Variants in ZNF521 observed in about 807,000 individuals in gnomAD.
The protein encoded by ZNF521 is zinc finger protein 521.
ZNF521 carries 14 observed loss-of-function variants against 105.5 expected under a neutral mutation model. The ratio of observed to expected loss-of-function variants is 0.13; its 90% CI spans 0.09 to 0.21. The LOEUF (loss-of-function observed/expected upper bound fraction) is 0.21. Ranked by LOEUF, ZNF521 falls within the 10% of genes least tolerant of loss-of-function variation. ZNF521 has a pLI of 1.00. For missense variants in ZNF521, 1,233 were observed against 1,629.7 expected (o/e 0.76, Z 4.19); for synonymous variants, 635 against 606.0 (o/e 1.05, Z -0.70).
chr18:25,133,533 C>T (rs1443518771), intron 5 of ZNF521, among the ~76,000 whole-genome samples: 4 of 152,148 alleles, frequency 2.6e-5, no homozygotes, highest in African/African-American at 9.7e-5. Flanking sequence ...TGATTATAGA[C>T]ATATAAGCCA....
intron 4 of ZNF521, among the ~76,000 whole-genome samples, chr18:25,197,361 C>T (rs947369684): frequency 6.6e-6 from 1 of 151,752 alleles, no homozygotes; most frequent in African/African-American, 2.4e-5. Flanking sequence ...TTTCACATTT[C>T]CCAAATACAA....
At chr18:25,176,161 C>G (rs560109662) in intron 5 of ZNF521, among the ~76,000 whole-genome samples, 17 of 152,232 alleles carry the variant, frequency 1.1e-4, no homozygotes, top group Non-Finnish European at 2.2e-4. Flanking sequence ...CCATTTATGT[C>G]AATGTCCTAG....
chr18:25,150,052 G>A (rs1478210596), intron 5 of ZNF521, among the ~76,000 whole-genome samples: 1 of 152,110 alleles, frequency 6.6e-6, no homozygotes, highest in African/African-American at 2.4e-5. Flanking sequence ...ATTAATGAAA[G>A]TCCCTGGCTT....
At chr18:25,351,273 T>TA (rs1277368348) in intron 1 of ZNF521, 1,517 of 127,016 alleles carry the variant, frequency 0.012, 18 homozygotes, top group African/African-American at 0.035. Flanking sequence ...GAAAAAAAGC[T>TA]AAAAAAAAAA....
rs1192588472 is a variant in ZNF521 at position 25,224,683 on chromosome 18, C to G, written c.3235G>C (p.Asp1079His). 1 of 1,614,112 alleles carries G rather than the reference C, an allele frequency of 6.2e-7. No homozygotes were observed. Among genetic ancestry groups the G allele is most frequent in the East Asian group, 2.2e-5 (1 of 44,872 alleles). The change falls in exon 4 of 8, where the codon GAT becomes CAT. Residue 1079 changes from aspartate (D) to histidine (H), a missense_variant. Physicochemically the swap from Asp to His is moderately conservative, Grantham distance 81 (BLOSUM62 -1). Coordinates refer to ENST00000361524, the MANE Select transcript of ZNF521 (RefSeq NM_015461.3). ...CCATTGATATCAAGTTTCACCAGAT[C>G]TTGCTTGGAACGGAATTCTTTGAGG... is the stretch of plus-strand genomic sequence containing the variant. ...SCLKEFRSKQ[D>H]LVKLDINGLP...
chr18:25,258,825 C>T (rs1235520923), intron 3 of ZNF521, among the ~76,000 whole-genome samples: 1 of 128,678 alleles, frequency 7.8e-6, no homozygotes, highest in Non-Finnish European at 1.7e-5. Context: ...GGCTGCCTCT[C>T]CATCTACACA....
At chr18:25,097,641 G>A in intron 5 of ZNF521, among the ~76,000 whole-genome samples, 1 of 152,006 alleles carries the variant, frequency 6.6e-6, no homozygotes, top group East Asian at 1.9e-4. Flanking sequence ...AAGGACACTG[G>A]GACATGAGGA....
At chr18:25,160,000 A>G (rs1174691327) in intron 5 of ZNF521, among the ~76,000 whole-genome samples, 1 of 152,246 alleles carries the variant, frequency 6.6e-6, no homozygotes, top group Non-Finnish European at 1.5e-5. Flanking sequence ...TAATCATATC[A>G]GAAAATGCTT....
intron 5 of ZNF521, among the ~76,000 whole-genome samples, chr18:25,165,113 T>G (rs1451367520): frequency 6.6e-6 from 1 of 152,238 alleles, no homozygotes; most frequent in Non-Finnish European, 1.5e-5. Context: ...TTGTACTGTA[T>G]TCTATGCTTC....
chr18:25,210,613 C>T (rs1480524277), intron 4 of ZNF521, among the ~76,000 whole-genome samples: 1 of 152,126 alleles, frequency 6.6e-6, no homozygotes, highest in Non-Finnish European at 1.5e-5. Flanking sequence ...AGAACCTGTA[C>T]TATTATTTAG....
intron 2 of ZNF521, among the ~76,000 whole-genome samples, chr18:25,323,226 A>AT (rs1193060440): frequency 2.0e-5 from 3 of 152,068 alleles, no homozygotes; most frequent in African/African-American, 7.2e-5. Flanking sequence ...TAAATAAACT[A>AT]TATCTCAAAA....
intron 7 of ZNF521, among the ~76,000 whole-genome samples, chr18:25,076,377 C>T (rs2033362281): frequency 6.6e-6 from 1 of 152,132 alleles, no homozygotes; most frequent in Non-Finnish European, 1.5e-5. Flanking sequence ...TGACCGGAGA[C>T]CAGTTCCACG....
intron 3 of ZNF521, among the ~76,000 whole-genome samples, chr18:25,306,517 C>T (rs759209487): frequency 1.3e-5 from 2 of 152,128 alleles, no homozygotes; most frequent in African/African-American, 4.8e-5. Flanking sequence ...GAGACTAAAG[C>T]ACCCTTCTTA....
intron 4 of ZNF521, among the ~76,000 whole-genome samples, chr18:25,216,679 C>T (rs534978408): frequency 1.3e-5 from 2 of 152,254 alleles, no homozygotes; most frequent in East Asian, 3.9e-4. Flanking sequence ...CCACTTCAGC[C>T]TCCTGAGTAG....
chr18:25,350,390 G>T (rs575430363), intron 2 of ZNF521, among the ~76,000 whole-genome samples: 1 of 152,120 alleles, frequency 6.6e-6, no homozygotes, highest in East Asian at 2.0e-4. Flanking sequence ...CAGGACGCGG[G>T]CGGGCGGGAG....
intron 3 of ZNF521, among the ~76,000 whole-genome samples, chr18:25,249,361 G>T (rs1907948585): frequency 6.6e-6 from 1 of 151,680 alleles, no homozygotes; most frequent in South Asian, 2.1e-4. Context: ...GTTTCACTGT[G>T]TTAGCCAGGA....
At chr18:25,347,262 T>G (rs1206885569) in intron 2 of ZNF521, among the ~76,000 whole-genome samples, 1 of 152,128 alleles carries the variant, frequency 6.6e-6, no homozygotes, top group Non-Finnish European at 1.5e-5. Flanking sequence ...AGTGACTCAT[T>G]TAATTGTCTG....
At chr18:25,309,217 T>G (rs8083831) in intron 3 of ZNF521, among the ~76,000 whole-genome samples, 28,083 of 152,108 alleles carry the variant, frequency 0.18, 3,481 homozygotes, top group African/African-American at 0.34. Flanking sequence ...ATCGCTTCAG[T>G]CCAAGTGACA....
chr18:25,095,007 C>T (rs1226179779), intron 5 of ZNF521, among the ~76,000 whole-genome samples: 1 of 152,056 alleles, frequency 6.6e-6, no homozygotes, highest in Non-Finnish European at 1.5e-5. Flanking sequence ...TAACTCTTCT[C>T]TTCTAATTCC....
Sources: allele counts gnomAD v4.1 joint callset (sites outside exome capture counted in the v4.1 genomes callset), GRCh38; gene constraint gnomAD v4.1.1; transcripts MANE v1.5; gene names NCBI Gene and HGNC (gene_info 2026-07-23, HGNC 2026-07-21).